Variants in GPC5 observed in about 807,000 individuals in gnomAD.
GPC5 encodes glypican 5.
A neutral mutation model predicts 53.9 loss-of-function variants in GPC5; 47 were observed. That is an observed-to-expected ratio of 0.87 (90% confidence interval 0.69 to 1.11). The LOEUF (loss-of-function observed/expected upper bound fraction) is 1.11. GPC5 is among the 50% of genes most tolerant of loss of function. The probability of loss-of-function intolerance (pLI) is 0.00; values close to 1 mark genes in which losing one functional copy is unlikely to be tolerated. For synonymous variants in GPC5, 286 were observed against 263.3 expected (o/e 1.09, Z -0.84); for missense variants, 748 against 713.1 (o/e 1.05, Z -0.56).
At chr13:92,481,907 T>C (rs1167726944) in intron 7 of GPC5, among the ~76,000 whole-genome samples, 2 of 152,014 alleles carry the variant, frequency 1.3e-5, no homozygotes, top group Admixed American at 6.6e-5. Flanking sequence ...GGTGGGCGGA[T>C]CACCTGAGGT....
chr13:92,727,931 T>C (rs1168774231), intron 7 of GPC5, among the ~76,000 whole-genome samples: 1 of 151,422 alleles, frequency 6.6e-6, no homozygotes, highest in Non-Finnish European at 1.5e-5. Flanking sequence ...TATTCACACC[T>C]CACATAAAAA....
intron 6 of GPC5, among the ~76,000 whole-genome samples, chr13:92,045,115 C>T (rs2040971501): frequency 6.6e-6 from 1 of 152,144 alleles, no homozygotes; most frequent in South Asian, 2.1e-4. Flanking sequence ...TTTTTCCCTC[C>T]ATAGAACTTG....
intron 6 of GPC5, chr13:91,996,459 T>C (rs2040504784): frequency 6.6e-6 from 1 of 152,250 alleles, no homozygotes; most frequent in South Asian, 2.1e-4. Flanking sequence ...TCATCAGATA[T>C]AGTAGAATGA....
chr13:92,684,406 G>A (rs914593244), intron 7 of GPC5, among the ~76,000 whole-genome samples: 3 of 152,006 alleles, frequency 2.0e-5, no homozygotes, highest in Non-Finnish European at 2.9e-5. Context: ...GAGCAGCTGG[G>A]ACTACAGGCG....
At chr13:92,327,893 G>A (rs1222627062) in intron 7 of GPC5, among the ~76,000 whole-genome samples, 1 of 152,050 alleles carries the variant, frequency 6.6e-6, no homozygotes, top group African/African-American at 2.4e-5. Context: ...CTTCTTATAT[G>A]TCTGAGAGAT....
At chr13:91,554,542 A>T (rs1012671399) in intron 2 of GPC5, among the ~76,000 whole-genome samples, 5 of 152,094 alleles carry the variant, frequency 3.3e-5, no homozygotes, top group African/African-American at 1.2e-4. Context: ...TTTACTCCCT[A>T]AGGTAGGACA....
chr13:92,236,893 A>T (rs182359148), intron 7 of GPC5, among the ~76,000 whole-genome samples: 20 of 151,644 alleles, frequency 1.3e-4, no homozygotes, highest in African/African-American at 4.1e-4. Flanking sequence ...CTTTGCCTCC[A>T]TTCTTTCTCA....
Position 92,125,927 on chromosome 13 carries a change from T to G in GPC5, c.1402-18903T>G, listed in dbSNP as rs1378062615. 3.1e-3 allele frequency among the ~76,000 whole-genome samples: 9 copies of G among 2,922 alleles called. No individual in the cohort carries two copies. In the East Asian group the frequency reaches 0.18, roughly 58 times the overall value. 1.9% of individuals were successfully genotyped at this position (2,922 alleles called of 152,430 possible). On this transcript the variant is annotated intron_variant, in intron 6 of 7. Transcript: ENST00000377067. Reference sequence around the variant, plus strand: ...GAAAGGAAACATTTGTTTTTTGGTTTTTTTTTTTTTTTTTTTTTTTTTTTT... The same window carrying G: ...GAAAGGAAACATTTGTTTTTTGGTTGTTTTTTTTTTTTTTTTTTTTTTTTT...
At chr13:91,729,448 A>G (rs563007439) in intron 4 of GPC5, among the ~76,000 whole-genome samples, 2 of 152,302 alleles carry the variant, frequency 1.3e-5, no homozygotes, top group South Asian at 4.1e-4. Flanking sequence ...GAAATTCAGA[A>G]TTTTATATTC....
chr13:92,849,125 A>G (rs1393200211), intron 7 of GPC5, among the ~76,000 whole-genome samples: 3 of 149,658 alleles, frequency 2.0e-5, no homozygotes, highest in Non-Finnish European at 4.4e-5. Flanking sequence ...ACACACCTCC[A>G]GTTAAGAACA....
chr13:92,507,669 C>G (rs1012539915), intron 7 of GPC5, among the ~76,000 whole-genome samples: 50 of 151,980 alleles, frequency 3.3e-4, no homozygotes, highest in African/African-American at 1.1e-3. Context: ...CAAGTTATAC[C>G]ACTGAGAATT....
chr13:92,128,774 C>A (rs2138958519), intron 6 of GPC5, among the ~76,000 whole-genome samples: 1 of 152,206 alleles, frequency 6.6e-6, no homozygotes, highest in East Asian at 1.9e-4. Flanking sequence ...ACTATCCTGG[C>A]CAACATGGTG....
intron 7 of GPC5, among the ~76,000 whole-genome samples, chr13:92,414,888 CT>C (rs1876214923): frequency 6.6e-6 from 1 of 152,152 alleles, no homozygotes; most frequent in Non-Finnish European, 1.5e-5. Context: ...ACCTTGTTAC[CT>C]CCCAAGGCCC....
intron 6 of GPC5, among the ~76,000 whole-genome samples, chr13:92,129,847 A>G (rs1186755344): frequency 1.3e-5 from 2 of 152,178 alleles, no homozygotes; most frequent in East Asian, 1.9e-4. Flanking sequence ...CAGTCAAAAC[A>G]TCTACTATAA....
intron 2 of GPC5, among the ~76,000 whole-genome samples, chr13:91,678,454 G>T (rs2035433089): frequency 6.6e-6 from 1 of 152,104 alleles, no homozygotes. Flanking sequence ...AGAAACAAAT[G>T]GATATATTTT....
At chr13:92,039,263 T>C (rs1019898319) in intron 6 of GPC5, among the ~76,000 whole-genome samples, 1 of 152,234 alleles carries the variant, frequency 6.6e-6, no homozygotes, top group Non-Finnish European at 1.5e-5. Flanking sequence ...TCTCTTTTAC[T>C]GTGTTTTTTA....
At chr13:92,484,920 T>C (rs1879499263) in intron 7 of GPC5, among the ~76,000 whole-genome samples, 1 of 151,932 alleles carries the variant, frequency 6.6e-6, no homozygotes, top group Admixed American at 6.6e-5. Context: ...GTATTTTTAG[T>C]AGAGATGGAT....
chr13:91,478,820 T>TACAC (rs750424772), intron 2 of GPC5, among the ~76,000 whole-genome samples: 6,460 of 112,540 alleles, frequency 0.057, 334 homozygotes, highest in Non-Finnish European at 0.083. Flanking sequence ...TATATATATA[T>TACAC]ATACACACAC....
chr13:91,726,235 T>C (rs1211269412), intron 3 of GPC5, among the ~76,000 whole-genome samples: 1 of 152,228 alleles, frequency 6.6e-6, no homozygotes, highest in Non-Finnish European at 1.5e-5. Flanking sequence ...CTGTTGACTT[T>C]GCCTCTCTTC....
Sources: gnomAD v4.1 joint callset for allele counts (sites outside exome capture counted in the v4.1 genomes callset) on GRCh38, gnomAD v4.1.1 for gene constraint, MANE v1.5 for transcripts, NCBI Gene and HGNC (gene_info 2026-07-23, HGNC 2026-07-21) for gene names.